ADK: variants seen among roughly 807,000 people sequenced by gnomAD.
ADK encodes adenosine kinase.
Under a neutral mutation model 44.7 loss-of-function variants are expected in ADK, and 24 were observed. That is an observed-to-expected ratio of 0.54 (90% CI 0.39 to 0.76). The LOEUF is 0.76. ADK is among the 30% of genes least tolerant of loss of function. ADK has a pLI of 0.00. For synonymous variants in ADK, 128 were observed against 142.6 expected, an observed-to-expected ratio of 0.90 and a Z score of 0.73; for missense variants, 321 against 425.1, an observed-to-expected ratio of 0.76 and a Z score of 2.15.
At chr10:74,683,334 A>C (rs1855682026) in intron 10 of ADK, among the ~76,000 whole-genome samples, 1 of 152,210 alleles carries the variant, frequency 6.6e-6, no homozygotes. Context: ...GAGGTTGTGC[A>C]ACCTATTTGA....
intron 7 of ADK, among the ~76,000 whole-genome samples, chr10:74,572,585 T>C (rs554479431): frequency 6.6e-6 from 1 of 152,336 alleles, no homozygotes; most frequent in African/African-American, 2.4e-5. Context: ...CTGGATAATA[T>C]CCTGCAGAGT....
rs147797708 is a variant in ADK at position 74,261,804 on chromosome 10, A to G, written c.194+37213A>G. On this transcript the variant is annotated intron_variant, in intron 3 of 10. Coordinates refer to ENST00000539909, the MANE Select transcript of ADK (RefSeq NM_006721.4). ...TTAGAATCTCCTCTTTCCTCCTGGT[A>G]TTCTGGCATTTCTCAATGTGATTTT... 3.8e-3 allele frequency among the ~76,000 whole-genome samples: 563 copies of G among 148,444 alleles called. 7 individuals carry two copies. The highest frequency in any genetic ancestry group is 0.021 in the Middle Eastern group (6 of 280).
At chr10:74,464,291 A>T (rs1466558187) in intron 6 of ADK, among the ~76,000 whole-genome samples, 1 of 152,186 alleles carries the variant, frequency 6.6e-6, no homozygotes, top group Admixed American at 6.5e-5. Context: ...TCATGCCTGT[A>T]ATCACAATAC....
At chr10:74,494,290 CT>C (rs1847600595) in intron 6 of ADK, among the ~76,000 whole-genome samples, 1 of 152,138 alleles carries the variant, frequency 6.6e-6, no homozygotes, top group Admixed American at 6.5e-5. Flanking sequence ...CAACTTCCTA[CT>C]ATGATAAGAT....
At chr10:74,242,814 C>G (rs1255263235) in intron 3 of ADK, among the ~76,000 whole-genome samples, 1 of 152,212 alleles carries the variant, frequency 6.6e-6, no homozygotes, top group African/African-American at 2.4e-5. Flanking sequence ...GAGATTCTGC[C>G]AGACTTTCGG....
chr10:74,151,912 TTTCTC>T (rs1841605782), intron 1 of ADK, among the ~76,000 whole-genome samples: 2 of 152,308 alleles, frequency 1.3e-5, no homozygotes, highest in South Asian at 4.1e-4. Flanking sequence ...GAAAGGTTGA[TTTCTC>T]TTTTTTATTT....
intron 7 of ADK, among the ~76,000 whole-genome samples, chr10:74,581,427 A>G (rs1851370806): frequency 6.6e-6 from 1 of 152,196 alleles, no homozygotes; most frequent in South Asian, 2.1e-4. Context: ...AAGCAGTGTC[A>G]CTGTGAGCTG....
chr10:74,389,737 T>C (rs1275639149), intron 4 of ADK, among the ~76,000 whole-genome samples: 2 of 152,176 alleles, frequency 1.3e-5, no homozygotes, highest in Non-Finnish European at 2.9e-5. Flanking sequence ...TGTTGAAATA[T>C]TCGATAGTAA....
intron 7 of ADK, among the ~76,000 whole-genome samples, chr10:74,580,024 A>G (rs907237731): frequency 6.6e-6 from 1 of 152,210 alleles, no homozygotes; most frequent in African/African-American, 2.4e-5. Flanking sequence ...GCTTCTAAAT[A>G]AGCTTGTAAA....
chr10:74,522,999 T>C (rs933844074), intron 6 of ADK, among the ~76,000 whole-genome samples: 8 of 152,210 alleles, frequency 5.3e-5, no homozygotes, highest in Non-Finnish European at 1.2e-4. Flanking sequence ...TTTGTGCCTT[T>C]TCCTCCTCTT....
intron 3 of ADK, among the ~76,000 whole-genome samples, chr10:74,314,010 T>C (rs1053147194): frequency 6.7e-5 from 8 of 120,032 alleles, no homozygotes; most frequent in African/African-American, 2.2e-4. Flanking sequence ...ATTCTCTAGC[T>C]GCATCTTTTC....
intron 1 of ADK, among the ~76,000 whole-genome samples, chr10:74,181,431 T>C (rs369314099): frequency 6.6e-6 from 1 of 152,320 alleles, no homozygotes; most frequent in East Asian, 1.9e-4. Context: ...GAACAACTTA[T>C]ATCCTTTGTT....
chr10:74,525,578 A>C (rs74475072), intron 7 of ADK, 152 bp downstream of exon 7: 2 of 645,890 alleles, frequency 3.1e-6, no homozygotes, highest in African/African-American at 3.7e-5. Context: ...CTCAATGTCA[A>C]CTGCTCTCAG....
intron 4 of ADK, among the ~76,000 whole-genome samples, chr10:74,315,990 C>G (rs1311747160): frequency 6.6e-6 from 1 of 152,050 alleles, no homozygotes; most frequent in Non-Finnish European, 1.5e-5. Flanking sequence ...GTAATCCCAG[C>G]ACTTTGGGAA....
chr10:74,543,341 C>T (rs941687171), intron 7 of ADK, among the ~76,000 whole-genome samples: 1 of 152,152 alleles, frequency 6.6e-6, no homozygotes, highest in African/African-American at 2.4e-5. Context: ...AGACATCCAG[C>T]CACAATAATC....
rs140798258 is a variant in ADK at position 74,600,417 on chromosome 10, C to T, written c.801C>T (p.Ala267=). ...AAGAGATAGCCAAAAAGACACAAGC[C>T]CTGCCAAAGATGAACTCAAAGAGGC... ...DIKEIAKKTQ[A]LPKMNSKRQR... The change falls in exon 9 of 11, where the codon GCC becomes GCT. Residue 267 remains alanine (A), a synonymous_variant. Coordinates refer to ENST00000539909, the MANE Select transcript of ADK (RefSeq NM_006721.4). 8.7e-6 allele frequency: 14 copies of T among 1,610,794 alleles called. No homozygotes were observed. Among genetic ancestry groups the T allele is most frequent in the Middle Eastern group, 1.7e-4 (1 of 6,044 alleles).
intron 4 of ADK, among the ~76,000 whole-genome samples, chr10:74,329,375 G>C (rs1841139964): frequency 6.6e-6 from 1 of 152,106 alleles, no homozygotes; most frequent in Non-Finnish European, 1.5e-5. Flanking sequence ...GTATGAACTT[G>C]GGACTGTCAC....
intron 2 of ADK, among the ~76,000 whole-genome samples, chr10:74,221,509 G>A (rs918302204): frequency 6.6e-6 from 1 of 151,882 alleles, no homozygotes; most frequent in Non-Finnish European, 1.5e-5. Flanking sequence ...TCACAGAATT[G>A]GAAAAAACTA....
chr10:74,364,520 A>G (rs573126098), intron 4 of ADK, among the ~76,000 whole-genome samples: 1 of 152,102 alleles, frequency 6.6e-6, no homozygotes, highest in Non-Finnish European at 1.5e-5. Flanking sequence ...TGACCTTACC[A>G]TAACTCTGAA....
Sources: gnomAD v4.1 joint callset for allele counts (sites outside exome capture counted in the v4.1 genomes callset) on GRCh38, gnomAD v4.1.1 for gene constraint, MANE v1.5 for transcripts, NCBI Gene and HGNC (gene_info 2026-07-23, HGNC 2026-07-21) for gene names.